ZNF277: variants seen among roughly 807,000 people sequenced by gnomAD.
ZNF277 encodes zinc finger protein 277, also known as nuclear receptor-interacting factor 4.
ZNF277 carries 55 observed loss-of-function variants against 60.7 expected under a neutral mutation model. The observed-to-expected ratio is 0.91, with a 90% CI of 0.73 to 1.13. The LOEUF (loss-of-function observed/expected upper bound fraction) is 1.13. Among genes scored for constraint, ZNF277 ranks in the 50% most tolerant of loss-of-function variants. The pLI is 0.00. For missense variants in ZNF277, 510 were observed against 523.0 expected, an observed-to-expected ratio of 0.98 and a Z score of 0.24; for synonymous variants, 178 against 179.3, an observed-to-expected ratio of 0.99 and a Z score of 0.06.
intron 1 of ZNF277, among the ~76,000 whole-genome samples, chr7:112,209,280 GGTT>G (rs1338442163): frequency 1.3e-5 from 2 of 152,084 alleles, no homozygotes; most frequent in African/African-American, 4.8e-5. Context: ...CTGGATCAAA[GGTT>G]ATGCAAGTTT....
Position 112,295,890 on chromosome 7 carries a change from A to G in ZNF277, c.315A>G (p.Lys105=). The change falls in exon 3 of 12, where the codon AAA becomes AAG. Residue 105 remains lysine, a synonymous_variant. Coordinates refer to ENST00000361822, the MANE Select transcript of ZNF277 (RefSeq NM_021994.3). ...TAAGGTACATTTTATATTGGAGGAA[A>G]AGGTTCACTGAACAGCCCATCACAG... The part of the protein sequence containing the change: ...DFQRYILYWR[K]RFTEQPITDF... 1 of 1,612,646 alleles carries G rather than the reference A, an allele frequency of 6.2e-7. No homozygotes were observed. The highest frequency in any genetic ancestry group is 2.2e-5 in the East Asian group (1 of 44,700).
intron 4 of ZNF277, among the ~76,000 whole-genome samples, chr7:112,297,144 G>T (rs1247581966): frequency 1.3e-5 from 2 of 151,166 alleles, no homozygotes; most frequent in Non-Finnish European, 2.9e-5. Context: ...AGCAAGGATG[G>T]TCTCGATCTC....
At chr7:112,259,100 A>G (rs1414969175) in intron 1 of ZNF277, among the ~76,000 whole-genome samples, 1 of 152,152 alleles carries the variant, frequency 6.6e-6, no homozygotes, top group African/African-American at 2.4e-5. Context: ...GAGGTAATAA[A>G]CCAGGCTTGT....
At chr7:112,318,357 A>T in intron 5 of ZNF277, 84 bp downstream of exon 5, 11 of 1,254,654 alleles carry the variant, frequency 8.8e-6, no homozygotes, top group Non-Finnish European at 1.3e-5. Flanking sequence ...TATATAAATT[A>T]AGTTCTATGT....
At chr7:112,304,606 A>G (rs925311750) in intron 4 of ZNF277, among the ~76,000 whole-genome samples, 1 of 152,164 alleles carries the variant, frequency 6.6e-6, no homozygotes, top group African/African-American at 2.4e-5. Flanking sequence ...TGAACTTTTT[A>G]TACTTTTAAT....
At chr7:112,219,438 G>T (rs1403727709) in intron 1 of ZNF277, among the ~76,000 whole-genome samples, 1 of 152,054 alleles carries the variant, frequency 6.6e-6, no homozygotes, top group African/African-American at 2.4e-5. Flanking sequence ...TCTTTATGTG[G>T]ATATCCAGTT....
intron 5 of ZNF277, among the ~76,000 whole-genome samples, chr7:112,326,651 A>G (rs891696652): frequency 6.6e-6 from 1 of 151,990 alleles, no homozygotes; most frequent in Non-Finnish European, 1.5e-5. Context: ...TAAAAAAAAA[A>G]AAAGTCAACA....
At chr7:112,297,739 C>G (rs1792387404) in intron 4 of ZNF277, among the ~76,000 whole-genome samples, 1 of 152,186 alleles carries the variant, frequency 6.6e-6, no homozygotes, top group East Asian at 1.9e-4. Flanking sequence ...TTTGCGTGCA[C>G]TTATTCATAA....
rs563820680 is a variant in ZNF277, at chr7:112,252,826, C to A, written c.92-34047C>A. On this transcript the variant is annotated intron_variant, in intron 1 of 11. Transcript: ENST00000361822. ...AAGAAACAAAAGATACTCAGCATTTCAGGCTTTGTATAGTCAGTGAGTAAA... is the reference window on the plus strand; with the variant it reads ...AAGAAACAAAAGATACTCAGCATTTAAGGCTTTGTATAGTCAGTGAGTAAA... 3.3e-5 allele frequency among the ~76,000 whole-genome samples: 5 copies of A among 152,278 alleles called. No individual in the cohort carries two copies. In the East Asian group the frequency reaches 9.6e-4, roughly 29 times the overall value.
chr7:112,262,247 C>CAAA (rs376386868), intron 1 of ZNF277, among the ~76,000 whole-genome samples: 14 of 77,666 alleles, frequency 1.8e-4, no homozygotes, highest in African/African-American at 5.1e-4. Flanking sequence ...AAAAGCAATA[C>CAAA]AAAAAAAAAA....
chr7:112,256,421 GTTTTTTTTTTTTTT>G (rs779126085), intron 1 of ZNF277, among the ~76,000 whole-genome samples: 1 of 95,394 alleles, frequency 1.0e-5, no homozygotes, highest in African/African-American at 4.5e-5. Context: ...CTTCTTTGGA[GTTTTTTTTTTTTTT>G]TTTTTTTTTT....
intron 6 of ZNF277, among the ~76,000 whole-genome samples, chr7:112,328,552 A>G (rs1259528271): frequency 6.6e-6 from 1 of 152,090 alleles, no homozygotes; most frequent in Non-Finnish European, 1.5e-5. Context: ...GCTTCAACCC[A>G]CAACACTGAG....
At chr7:112,247,640 T>C in intron 1 of ZNF277, among the ~76,000 whole-genome samples, 1 of 152,248 alleles carries the variant, frequency 6.6e-6, no homozygotes, top group African/African-American at 2.4e-5. Context: ...TTTTAATTTA[T>C]TATAATTTAG....
chr7:112,210,260 G>A (rs911288143), intron 1 of ZNF277, among the ~76,000 whole-genome samples: 4 of 151,774 alleles, frequency 2.6e-5, no homozygotes, highest in African/African-American at 9.7e-5. Flanking sequence ...TAATACCCTG[G>A]GACAGTGAGG....
chr7:112,260,773 G>A (rs1300121218), intron 1 of ZNF277, among the ~76,000 whole-genome samples: 3 of 152,140 alleles, frequency 2.0e-5, no homozygotes, highest in East Asian at 1.9e-4. Context: ...TGGGCTAGGC[G>A]GAGAGCACAG....
intron 4 of ZNF277, among the ~76,000 whole-genome samples, chr7:112,303,755 T>C (rs1297650973): frequency 1.3e-5 from 2 of 152,146 alleles, no homozygotes; most frequent in Admixed American, 6.6e-5. Context: ...ATATTTTCCA[T>C]GTGAATGTTT....
chr7:112,265,491 C>T (rs1366563431), intron 1 of ZNF277, among the ~76,000 whole-genome samples: 1 of 152,038 alleles, frequency 6.6e-6, no homozygotes, highest in Non-Finnish European at 1.5e-5. Flanking sequence ...CACAGATCGC[C>T]ATATCAGATA....
intron 1 of ZNF277, among the ~76,000 whole-genome samples, chr7:112,274,849 A>T (rs995044165): frequency 6.6e-6 from 1 of 152,362 alleles, no homozygotes; most frequent in East Asian, 1.9e-4. Context: ...TTTAGAAAGT[A>T]TAACACAGGC....
chr7:112,223,507 G>A (rs1009047026), intron 1 of ZNF277, among the ~76,000 whole-genome samples: 8 of 152,236 alleles, frequency 5.3e-5, no homozygotes, highest in Non-Finnish European at 7.3e-5. Context: ...TCCAAATGGG[G>A]CTGTAGCCAA....
Sources: gnomAD v4.1 joint callset for allele counts (sites outside exome capture counted in the v4.1 genomes callset) on GRCh38, gnomAD v4.1.1 for gene constraint, MANE v1.5 for transcripts, NCBI Gene and HGNC (gene_info 2026-07-23, HGNC 2026-07-21) for gene names.